Variants in DCC observed in about 807,000 individuals in gnomAD.
DCC encodes netrin receptor DCC.
In DCC, 58 loss-of-function variants were observed where a neutral mutation model predicts 172.5. That is an observed-to-expected ratio of 0.34 (90% CI 0.27 to 0.42). DCC has a LOEUF of 0.42. Among genes scored for constraint, DCC ranks in the 10% least tolerant of loss-of-function variants. DCC has a pLI of 1.00. For synonymous variants in DCC, 709 were observed against 644.5 expected (o/e 1.10, Z -1.52); for missense variants, 1,740 against 1,791.0 (o/e 0.97, Z 0.51).
chr18:52,956,657 A>G (rs2145559475), intron 5 of DCC, among the ~76,000 whole-genome samples: 1 of 152,218 alleles, frequency 6.6e-6, no homozygotes, highest in Non-Finnish European at 1.5e-5. Flanking sequence ...TTTGATTCAG[A>G]TTCACATGGA....
At chr18:53,262,266 C>T (rs148056338) in intron 12 of DCC, among the ~76,000 whole-genome samples, 1 of 152,132 alleles carries the variant, frequency 6.6e-6, no homozygotes, top group African/African-American at 2.4e-5. Context: ...GTATTATACC[C>T]ATTTTTCCTC....
chr18:52,751,995 T>A lies in DCC; in HGVS notation c.92-59T>A. ...AGCTTTGTAAAGAAAAGACAGGGAA[T>A]CTAAGCCTGAGATTTATTTGAATAC... On this transcript the variant is annotated intron_variant, in intron 1 of 28. Coordinates refer to ENST00000442544, the MANE Select transcript of DCC (RefSeq NM_005215.4). 3.5e-6 allele frequency: 5 copies of A among 1,428,412 alleles called. No homozygotes were observed. The South Asian group carries it at 5.9e-5, about 17-fold the overall frequency. 88.5% of individuals were successfully genotyped at this position (1,428,412 alleles called of 1,614,324 possible).
intron 15 of DCC, among the ~76,000 whole-genome samples, chr18:53,368,939 T>C (rs2058032589): frequency 2.0e-5 from 3 of 152,092 alleles, no homozygotes; most frequent in South Asian, 4.1e-4. Context: ...TAAGATTACA[T>C]ATGAGTTTTA....
intron 7 of DCC, among the ~76,000 whole-genome samples, chr18:53,086,086 TCCTCCTCCTCCTCCTCCTCCTC>T (rs2042886439): frequency 2.4e-3 from 2 of 840 alleles, no homozygotes; most frequent in Non-Finnish European, 5.0e-3. Context: ...CTCCTCCTCC[TCCTCCTCCTCCTCCTCCTCCTC>T]CTCCTCCTCC....
intron 13 of DCC, among the ~76,000 whole-genome samples, chr18:53,318,971 G>A (rs935818477): frequency 4.1e-4 from 62 of 152,110 alleles, no homozygotes; most frequent in Admixed American, 7.9e-4. Context: ...CATTCTTAAG[G>A]AAAAGAATTG....
At chr18:53,250,790 A>T (rs2056421211) in intron 12 of DCC, among the ~76,000 whole-genome samples, 1 of 151,784 alleles carries the variant, frequency 6.6e-6, no homozygotes, top group South Asian at 2.1e-4. Context: ...TCTTTCCTTC[A>T]TAGCAATATT....
chr18:53,065,952 C>T (rs1344813354), intron 6 of DCC, 94 bp from the exon 7 acceptor site: 1 of 1,453,894 alleles, frequency 6.9e-7, no homozygotes, highest in South Asian at 1.1e-5. Flanking sequence ...TTCTTCTGTG[C>T]TGTTTTATCA....
At chr18:52,422,123 T>G (rs190639185) in intron 1 of DCC, among the ~76,000 whole-genome samples, 27 of 152,306 alleles carry the variant, frequency 1.8e-4, no homozygotes. Context: ...TCTTAATTTT[T>G]TTAAGCTTAA....
rs555344110 is a variant in DCC, at chr18:52,578,417, T to C, written c.92-173637T>C. ...ATGAGATAATTTCAGGAGCTGATGA[T>C]ACATTTTATGGATTTAAGTTTCCAT... is the stretch of plus-strand genomic sequence containing the variant. On this transcript the variant is annotated intron_variant, in intron 1 of 28. Coordinates refer to ENST00000442544, the MANE Select transcript of DCC (RefSeq NM_005215.4). 5.3e-5 allele frequency among the ~76,000 whole-genome samples: 8 copies of C among 152,348 alleles called. No individual in the cohort carries two copies. The South Asian group carries it at 1.2e-3, about 24-fold the overall frequency.
At position 52,743,306 on chromosome 18, in the gene DCC, A is replaced by G. The variant is rs2036852812; in HGVS notation, c.92-8748A>G. Among the ~76,000 whole-genome samples, 7 of 152,208 alleles carry G rather than the reference A, an allele frequency of 4.6e-5. No individual in the cohort carries two copies. The South Asian group carries it at 1.4e-3, about 31-fold the overall frequency. ...AAGACTGATGAAAAACACGGAAGCT[A>G]AAGCTAGCTTATATTTCATCAAACT... On this transcript the variant is annotated intron_variant, in intron 1 of 28. Transcript: ENST00000442544.
At chr18:53,090,140 A>G (rs1291505036) in intron 7 of DCC, among the ~76,000 whole-genome samples, 1 of 152,100 alleles carries the variant, frequency 6.6e-6, no homozygotes, top group Non-Finnish European at 1.5e-5. Flanking sequence ...ATTATCCCTA[A>G]CTTACTTGCA....
intron 1 of DCC, among the ~76,000 whole-genome samples, chr18:52,702,242 C>T (rs186677343): frequency 2.0e-4 from 31 of 152,274 alleles, no homozygotes; most frequent in Admixed American, 1.5e-3. Flanking sequence ...AACCTATCCA[C>T]AGCATAACAC....
intron 7 of DCC, among the ~76,000 whole-genome samples, chr18:53,140,048 G>T: frequency 6.6e-6 from 1 of 152,314 alleles, no homozygotes; most frequent in African/African-American, 2.4e-5. Context: ...ATGATCAGAT[G>T]AATAGATAGA....
At position 53,441,206 on chromosome 18, in the gene DCC, A is replaced by G. The variant is rs141556866; in HGVS notation, c.3229+5997A>G. On this transcript the variant is annotated intron_variant, in intron 22 of 28. Transcript: ENST00000442544. ...ACATGGGTCCTCTTGAGAAGCTCTG[A>G]GAAAATAAATAAATCAAGTGTCCCA... Among the ~76,000 whole-genome samples, 448 of 152,286 alleles carry G rather than the reference A, an allele frequency of 2.9e-3. 2 individuals carry two copies. Among genetic ancestry groups the G allele is most frequent in the African/African-American group, 0.01 (425 of 41,554 alleles).
intron 7 of DCC, among the ~76,000 whole-genome samples, chr18:53,101,825 GTA>G (rs756355653): frequency 1.7e-5 from 2 of 115,072 alleles, no homozygotes; most frequent in African/African-American, 6.5e-5. Flanking sequence ...GTGTGTGTGT[GTA>G]TTTGTGTGTG....
chr18:52,928,951 C>G (rs188501019), intron 5 of DCC, among the ~76,000 whole-genome samples: 8 of 152,130 alleles, frequency 5.3e-5, no homozygotes, highest in Admixed American at 4.6e-4. Context: ...TCTCTTTGGT[C>G]AGGCCTGTTC....
intron 24 of DCC, among the ~76,000 whole-genome samples, chr18:53,464,697 A>G (rs1050909452): frequency 6.6e-6 from 1 of 151,856 alleles, no homozygotes; most frequent in Non-Finnish European, 1.5e-5. Context: ...AAACTATGTT[A>G]CCACCGGGAG....
rs934284090 is a variant in DCC, at chr18:52,816,349, C to T, written c.412+63975C>T. Among the ~76,000 whole-genome samples, 14 of 152,292 alleles carry T rather than the reference C, an allele frequency of 9.2e-5. No individual in the cohort carries two copies. In the South Asian group the frequency reaches 2.7e-3, roughly 29 times the overall value. On this transcript the variant is annotated intron_variant, in intron 2 of 28. Transcript: ENST00000442544. ...TAACTCTCCAGTCAACGAAAACATTCCTCTCTCAGCTGCTCTGGTGGGTCA... is the reference window on the plus strand; with the variant it reads ...TAACTCTCCAGTCAACGAAAACATTTCTCTCTCAGCTGCTCTGGTGGGTCA...
intron 12 of DCC, among the ~76,000 whole-genome samples, chr18:53,244,613 G>T (rs186798209): frequency 6.6e-6 from 1 of 151,930 alleles, no homozygotes; most frequent in African/African-American, 2.4e-5. Context: ...TGGCTTTGTC[G>T]GGAACTCATT....
Sources: gnomAD v4.1 joint callset for allele counts (sites outside exome capture counted in the v4.1 genomes callset) on GRCh38, gnomAD v4.1.1 for gene constraint, MANE v1.5 for transcripts, NCBI Gene and HGNC (gene_info 2026-07-23, HGNC 2026-07-21) for gene names.